AMBP: variants seen among roughly 807,000 people sequenced by gnomAD.
AMBP encodes the protein protein AMBP.
AMBP carries 37 observed loss-of-function variants against 46.3 expected under a neutral mutation model. That is an observed-to-expected ratio of 0.80 (90% CI 0.61 to 1.05). The LOEUF (loss-of-function observed/expected upper bound fraction) is 1.05. AMBP is among the 50% of genes least tolerant of loss of function. The pLI is 0.00. For synonymous variants in AMBP, 174 were observed against 175.9 expected, an observed-to-expected ratio of 0.99 and a Z score of 0.09; for missense variants, 475 against 461.2, an observed-to-expected ratio of 1.03 and a Z score of -0.27.
At chr9:114,060,669 A>G (rs1168299715) in intron 9 of AMBP, among the ~76,000 whole-genome samples, 4 of 152,132 alleles carry the variant, frequency 2.6e-5, no homozygotes, top group African/African-American at 9.7e-5. Context: ...TGCAGGTGCA[A>G]AATTAGAACC....
chr9:114,062,427 A>G (rs1261589940), intron 7 of AMBP, among the ~76,000 whole-genome samples: 7 of 152,208 alleles, frequency 4.6e-5, no homozygotes, highest in African/African-American at 1.4e-4. Context: ...AGTCATACAG[A>G]CAGGGCAAGA....
chr9:114,062,738 T>A lies in AMBP; in HGVS notation c.624A>T (p.Leu208=). The A allele has an allele frequency of 1.2e-6, 2 of 1,614,004 alleles. No homozygotes were observed. Among genetic ancestry groups the A allele is most frequent in the Admixed American group, 1.7e-5 (1 of 60,026 alleles). ...CCCCTGATCCTTCCTCTTCTTGGGG[T>A]AGCACAGCCCTCCGGACTCTCTGCG... ...ILIPRVRRAV[L]PQEEEGSGGG... is the part of the protein sequence containing the mutation. Residue 208 remains leucine, a synonymous_variant, in exon 7 of 10, where the codon CTA becomes CTT. Coordinates refer to ENST00000265132, the MANE Select transcript of AMBP (RefSeq NM_001633.4).
chr9:114,061,185 G>A (rs1009916070), intron 8 of AMBP, 87 bp from the exon 9 acceptor site: 1 of 1,508,862 alleles, frequency 6.6e-7, no homozygotes, highest in Non-Finnish European at 9.0e-7. Flanking sequence ...AGAGGGCCCT[G>A]CTCATCTAGA....
chr9:114,073,142 A>C (rs1248519836), intron 4 of AMBP, 116 bp from the exon 5 acceptor site: 6 of 859,680 alleles, frequency 7.0e-6, no homozygotes, highest in African/African-American at 1.7e-5. Flanking sequence ...CTATTGATGC[A>C]GTTTAATCTA....
intron 3 of AMBP, among the ~76,000 whole-genome samples, 194 bp from the exon 4 acceptor site, chr9:114,074,346 C>A (rs1846781791): frequency 6.6e-6 from 1 of 152,206 alleles, no homozygotes; most frequent in South Asian, 2.1e-4. Context: ...TCCATGTACT[C>A]ACATTAATTC....
intron 7 of AMBP, 59 bp downstream of exon 7, chr9:114,062,618 C>T: frequency 9.6e-6 from 15 of 1,562,986 alleles, no homozygotes; most frequent in Non-Finnish European, 1.3e-5. Context: ...GGTGAGCCAA[C>T]TGTGGGCCCT....
chr9:114,075,089 T>C, intron 2 of AMBP, 53 bp from the exon 3 acceptor site: 1 of 1,487,188 alleles, frequency 6.7e-7, no homozygotes, highest in Admixed American at 1.7e-5. Flanking sequence ...ATCATGGTCC[T>C]GACACTCAAC....
rs774212445 is a variant in AMBP at position 114,061,134 on chromosome 9, C to T, written c.854-36G>A. On this transcript the variant is annotated intron_variant, in intron 8 of 9. Coordinates refer to ENST00000265132, the MANE Select transcript of AMBP (RefSeq NM_001633.4). Reference sequence around the variant, plus strand: ...GAGAGAGGCATGGAACTTGAGAAACCCTTGTGACTGCTGATCAGACATACA... The same window carrying T: ...GAGAGAGGCATGGAACTTGAGAAACTCTTGTGACTGCTGATCAGACATACA... 2.5e-6 allele frequency: 4 copies of T among 1,606,570 alleles called. No individual in the cohort carries two copies. In the South Asian group the frequency reaches 3.3e-5, roughly 13 times the overall value.
chr9:114,060,942 C>T lies in AMBP; in HGVS notation c.1010G>A (p.Cys337Tyr). 6.2e-7 allele frequency: 1 copy of T among 1,614,090 alleles called. No individual in the cohort carries two copies. The highest frequency in any genetic ancestry group is 1.7e-5 in the Admixed American group (1 of 60,012). Residue 337 changes from cysteine (C) to tyrosine (Y), a missense_variant, in exon 9 of 10, where the codon TGC (cysteine) becomes TAC (tyrosine). Transcript: ENST00000265132. ...FYSEKECREY[C>Y]GVPGDGDEEL... ...CTGCCTACCATCACCAGGGACACCGCAGTACTCTCTGCACTCCTTCTCTGA... is the reference window on the plus strand; with the variant it reads ...CTGCCTACCATCACCAGGGACACCGTAGTACTCTCTGCACTCCTTCTCTGA...
At position 114,062,760 on chromosome 9, in the gene AMBP, T is replaced by C; in HGVS notation, c.604-2A>G. 2.5e-6 allele frequency: 4 copies of C among 1,614,128 alleles called. No homozygotes were observed. Among genetic ancestry groups the C allele is most frequent in the Non-Finnish European group, 3.4e-6 (4 of 1,180,018 alleles). On this transcript the variant is annotated splice_acceptor_variant, in intron 6 of 9. Coordinates refer to ENST00000265132, the MANE Select transcript of AMBP (RefSeq NM_001633.4). LOFTEE classifies it high-confidence loss of function. The stretch of plus-strand genomic sequence containing the variant: ...GGGTAGCACAGCCCTCCGGACTCTC[T>C]GCGGGGGAGAGAAAGAGAAGAAGCA...
At chr9:114,065,891 T>TA (rs946917348) in intron 6 of AMBP, among the ~76,000 whole-genome samples, 2 of 151,982 alleles carry the variant, frequency 1.3e-5, no homozygotes, top group African/African-American at 2.4e-5. Flanking sequence ...CAGAAGTGAA[T>TA]AAAAAAATAA....
Position 114,078,075 on chromosome 9 carries a change from AGAGAGCGGCAGCCTTACCC to A in AMBP, c.116_117+17del. The A allele has an allele frequency of 6.2e-7, 1 of 1,613,652 alleles. No homozygotes were observed. Among genetic ancestry groups the A allele is most frequent in the Non-Finnish European group, 8.5e-7 (1 of 1,179,738 alleles). On this transcript the variant is annotated splice_donor_variant and splice_donor_5th_base_variant and coding_sequence_variant and intron_variant, in exon 1 of 10. Coordinates refer to ENST00000265132, the MANE Select transcript of AMBP (RefSeq NM_001633.4). LOFTEE classifies it high-confidence loss of function. The stretch of plus-strand genomic sequence containing the variant: ...CCCATCACCACATCCACCCTACCAC[AGAGAGCGGCAGCCTTACCC>A]GAGAGATATTGAAGTTTTCCTGCAC...
At chr9:114,075,676 C>CA (rs1846798670) in intron 2 of AMBP, among the ~76,000 whole-genome samples, 1 of 152,160 alleles carries the variant, frequency 6.6e-6, no homozygotes, top group African/African-American at 2.4e-5. Context: ...GTGGGTCAGG[C>CA]AGGCAGGTGA....
chr9:114,074,813 G>A (rs947000379), intron 3 of AMBP, 147 bp downstream of exon 3: 1 of 672,924 alleles, frequency 1.5e-6, no homozygotes. Context: ...AGAAGGAGGA[G>A]GAGGAAGAGG....
At position 114,074,982 on chromosome 9, in the gene AMBP, C is replaced by A; in HGVS notation, c.315G>T (p.Gly105=). The change falls in exon 3 of 10, where the codon GGG becomes GGT. Residue 105 remains glycine (G), a synonymous_variant. Transcript: ENST00000265132. Reference sequence around the variant, plus strand: ...TACTGGATTTGTGATAGAGAAACTTCCCATCAGTATCTGTTTTCTCATAAG... The same window carrying A: ...TACTGGATTTGTGATAGAGAAACTTACCATCAGTATCTGTTTTCTCATAAG... ...SGAYEKTDTD[G]KFLYHKSKWN... 1 of 1,614,122 alleles carries A rather than the reference C, an allele frequency of 6.2e-7. No individual in the cohort carries two copies. Among genetic ancestry groups the A allele is most frequent in the Non-Finnish European group, 8.5e-7 (1 of 1,179,986 alleles).
At chr9:114,066,974 C>T (rs1384933884) in intron 6 of AMBP, among the ~76,000 whole-genome samples, 3 of 152,004 alleles carry the variant, frequency 2.0e-5, no homozygotes, top group Non-Finnish European at 4.4e-5. Flanking sequence ...AGAGTCTTGC[C>T]CTGTCACCCA....
intron 5 of AMBP, 67 bp from the exon 6 acceptor site, chr9:114,069,812 A>T: frequency 1.3e-6 from 2 of 1,538,322 alleles, no homozygotes; most frequent in Non-Finnish European, 1.8e-6. Context: ...CTAGACCCGG[A>T]TTTGTATCTT....
intron 5 of AMBP, among the ~76,000 whole-genome samples, chr9:114,070,409 TG>T (rs914297159): frequency 2.6e-5 from 4 of 152,164 alleles, no homozygotes; most frequent in African/African-American, 4.8e-5. Flanking sequence ...CTCCACACTC[TG>T]GCTCCACCTT....
In AMBP at chr9:114,061,587, G is replaced by C; in HGVS notation, c.690C>G (p.Ser230=). 6.3e-7 allele frequency: 1 copy of C among 1,595,800 alleles called. No individual in the cohort carries two copies. The highest frequency in any genetic ancestry group is 8.6e-7 in the Non-Finnish European group (1 of 1,168,320). The part of the protein sequence containing the change: ...LVTEVTKKED[S]CQLGYSAGPC... Reference sequence around the variant, plus strand: ...GACCGGCCGAGTAGCCCAGCTGGCAGGAATCTAGGGAGGGGCAGACCAGCA... The same window carrying C: ...GACCGGCCGAGTAGCCCAGCTGGCACGAATCTAGGGAGGGGCAGACCAGCA... Residue 230 remains serine (S), a synonymous_variant, in exon 8 of 10, where the codon TCC becomes TCG. Coordinates refer to ENST00000265132, the MANE Select transcript of AMBP (RefSeq NM_001633.4).
Sources: gnomAD v4.1 joint callset for allele counts (sites outside exome capture counted in the v4.1 genomes callset) on GRCh38, gnomAD v4.1.1 for gene constraint, MANE v1.5 for transcripts, NCBI Gene and HGNC (gene_info 2026-07-23, HGNC 2026-07-21) for gene names.